Variants in MAST2 observed in about 807,000 individuals in gnomAD.
MAST2 encodes microtubule associated serine/threonine kinase 2.
A neutral mutation model predicts 147.4 loss-of-function variants in MAST2; 70 were observed. The ratio of observed to expected loss-of-function variants is 0.47; its 90% CI spans 0.39 to 0.58. The LOEUF (loss-of-function observed/expected upper bound fraction) is 0.58, where lower values mean the gene tolerates loss of function less well. Ranked by LOEUF, MAST2 falls within the 20% of genes least tolerant of loss-of-function variation. The pLI, the probability that MAST2 is intolerant of heterozygous loss-of-function variation, is 0.00. For synonymous variants in MAST2, 869 were observed against 896.8 expected (o/e 0.97, Z 0.55); for missense variants, 2,080 against 2,302.3 (o/e 0.90, Z 1.98).
At chr1:45,903,565 G>A (rs940784127) in intron 4 of MAST2, among the ~76,000 whole-genome samples, 3 of 152,056 alleles carry the variant, frequency 2.0e-5, no homozygotes, top group African/African-American at 7.2e-5. Context: ...AAAGTCATTC[G>A]GGAGCAAATT....
chr1:45,970,684 A>AAAAAAG (rs1643880793), intron 5 of MAST2, among the ~76,000 whole-genome samples: 1 of 151,174 alleles, frequency 6.6e-6, no homozygotes, highest in South Asian at 2.1e-4. Flanking sequence ...AAAAAAAAAA[A>AAAAAAG]AAAAAGAATT....
intron 5 of MAST2, among the ~76,000 whole-genome samples, chr1:45,965,085 A>G (rs1660979981): frequency 6.6e-6 from 1 of 152,150 alleles, no homozygotes; most frequent in South Asian, 2.1e-4. Flanking sequence ...TGTGAGAGAC[A>G]GTTTGTTACA....
intron 11 of MAST2, among the ~76,000 whole-genome samples, chr1:46,020,350 T>A (rs1336402283): frequency 6.6e-6 from 1 of 151,822 alleles, no homozygotes; most frequent in African/African-American, 2.4e-5. Flanking sequence ...GAGCATTCAG[T>A]GGGGCACAGG....
chr1:45,898,478 C>T (rs762683337), intron 4 of MAST2, among the ~76,000 whole-genome samples: 10 of 152,144 alleles, frequency 6.6e-5, no homozygotes, highest in Non-Finnish European at 1.2e-4. Context: ...GATGGTGGGC[C>T]ATCCAAATCC....
At chr1:45,857,103 A>T (rs1645814807) in intron 3 of MAST2, among the ~76,000 whole-genome samples, 1 of 152,022 alleles carries the variant, frequency 6.6e-6, no homozygotes, top group Non-Finnish European at 1.5e-5. Flanking sequence ...TATTTTATGT[A>T]TTCATTTTTT....
At chr1:46,010,960 G>T (rs1645690045) in intron 10 of MAST2, 21 bp downstream of exon 10, 1 of 1,605,458 alleles carries the variant, frequency 6.2e-7, no homozygotes, top group Non-Finnish European at 8.5e-7. Flanking sequence ...TTGTGCTGGG[G>T]TTCTGAAAAA....
intron 1 of MAST2, among the ~76,000 whole-genome samples, chr1:45,819,068 A>G (rs1447543967): frequency 2.0e-5 from 3 of 152,118 alleles, no homozygotes; most frequent in Non-Finnish European, 4.4e-5. Context: ...AGCCTGACCA[A>G]CATGGTGAAA....
intron 3 of MAST2, among the ~76,000 whole-genome samples, chr1:45,848,999 A>G (rs899628407): frequency 1.3e-5 from 2 of 152,224 alleles, no homozygotes; most frequent in African/African-American, 4.8e-5. Context: ...CAAAAAGAAT[A>G]CAATACCTAG....
At chr1:45,892,642 C>T (rs557767702) in intron 4 of MAST2, among the ~76,000 whole-genome samples, 9 of 152,214 alleles carry the variant, frequency 5.9e-5, no homozygotes, top group African/African-American at 1.4e-4. Context: ...AAATACCTGC[C>T]GCAGTCCTTT....
Position 46,030,583 on chromosome 1 carries a change from C to T in MAST2, c.2554-24C>T, listed in dbSNP as rs781312889. 11 of 1,580,790 alleles carry T rather than the reference C, an allele frequency of 7.0e-6. No homozygotes were observed. The African/African-American group carries it at 1.4e-4, about 20-fold the overall frequency. On this transcript the variant is annotated intron_variant, in intron 21 of 28. Coordinates refer to ENST00000361297, the MANE Select transcript of MAST2 (RefSeq NM_015112.3). Reference sequence around the variant, plus strand: ...GAGGTACGGCTGCCAGAGCCCATCCCCAGCGCATCCCCTGTGCCCACAGGT... The same window carrying T: ...GAGGTACGGCTGCCAGAGCCCATCCTCAGCGCATCCCCTGTGCCCACAGGT...
Position 46,029,474 on chromosome 1 carries a change from G to A in MAST2, c.2227G>A (p.Val743Met), listed in dbSNP as rs376806114. The change falls in exon 19 of 29, where the codon GTG becomes ATG. Residue 743 changes from valine (V) to methionine (M), a missense_variant. Val to Met is a conservative substitution (Grantham distance 21). Coordinates refer to ENST00000361297, the MANE Select transcript of MAST2 (RefSeq NM_015112.3). The stretch of plus-strand genomic sequence containing the variant: ...ACCCCTGATGACTTCAGATGAGATT[G>A]TGTGGCCTGAGGGTGATGAGGCACT... ...LFGQVISDEI[V>M]WPEGDEALPP... 1.9e-6 allele frequency: 3 copies of A among 1,613,702 alleles called. No homozygotes were observed. The South Asian group carries it at 3.3e-5, about 18-fold the overall frequency.
chr1:45,952,326 A>G (rs368574577), intron 4 of MAST2, among the ~76,000 whole-genome samples: 2 of 152,238 alleles, frequency 1.3e-5, no homozygotes, highest in African/African-American at 4.8e-5. Flanking sequence ...CGTAGAGTCC[A>G]CAGAGACAGT....
intron 3 of MAST2, chr1:45,847,413 TGG>T: frequency 1.8e-6 from 1 of 546,556 alleles, no homozygotes; most frequent in Non-Finnish European, 3.5e-6. Context: ...TATCTTTTTT[TGG>T]GGGGGATCAA....
chr1:45,839,363 C>T (rs1289888802), intron 3 of MAST2, among the ~76,000 whole-genome samples: 4 of 151,972 alleles, frequency 2.6e-5, no homozygotes, highest in Admixed American at 6.6e-5. Flanking sequence ...CTCCTGACCT[C>T]GTGATCTGCC....
intron 6 of MAST2, among the ~76,000 whole-genome samples, chr1:46,002,429 A>C (rs193011977): frequency 3.9e-5 from 6 of 152,324 alleles, no homozygotes; most frequent in African/African-American, 1.4e-4. Context: ...CACAAATGGA[A>C]ATAGCTGCAT....
At chr1:46,016,802 T>C (rs1645966592) in intron 10 of MAST2, among the ~76,000 whole-genome samples, 1 of 152,184 alleles carries the variant, frequency 6.6e-6, no homozygotes, top group Non-Finnish European at 1.5e-5. Context: ...AATGACTTTC[T>C]TCACAGAATT....
At chr1:45,922,616 G>A (rs1036086881) in intron 4 of MAST2, among the ~76,000 whole-genome samples, 19 of 152,210 alleles carry the variant, frequency 1.2e-4, no homozygotes, top group Admixed American at 1.1e-3. Context: ...GAGGGGAGAA[G>A]CCAGGTAGCG....
chr1:45,869,548 T>A (rs1646294354), intron 3 of MAST2, among the ~76,000 whole-genome samples: 1 of 152,232 alleles, frequency 6.6e-6, no homozygotes, highest in South Asian at 2.1e-4. Context: ...ATCAGTCCCC[T>A]TTTGTTTTAT....
rs759534881 is a variant in MAST2, at chr1:45,807,544, A to AT, written c.177+3487dup. Among the ~76,000 whole-genome samples, 919 of 140,700 alleles carry AT rather than the reference A, an allele frequency of 6.5e-3. 10 individuals are homozygous for AT. Among genetic ancestry groups the AT allele is most frequent in the African/African-American group, 0.02 (777 of 38,550 alleles). The allele number at this position is 140,700 out of a possible 152,430, so 92.3% of individuals were successfully genotyped here. On this transcript the variant is annotated intron_variant, in intron 1 of 28. Transcript: ENST00000361297. Reference sequence around the variant, plus strand: ...ATCATTTGTGTTCTTAACATTTGTGATTTTTTTTTTTTTTTGAGACAGGGT... The same window carrying AT: ...ATCATTTGTGTTCTTAACATTTGTGATTTTTTTTTTTTTTTTGAGACAGGGT...
Sources: gnomAD v4.1 joint callset for allele counts (sites outside exome capture counted in the v4.1 genomes callset) on GRCh38, gnomAD v4.1.1 for gene constraint, MANE v1.5 for transcripts, NCBI Gene and HGNC (gene_info 2026-07-23, HGNC 2026-07-21) for gene names.